The following GPM6B variants were observed in gnomAD, a reference collection of about 807,000 sequenced individuals.
GPM6B encodes glycoprotein M6B.
GPM6B carries 4 observed loss-of-function variants against 27.2 expected under a neutral mutation model. The ratio of observed to expected loss-of-function variants is 0.15; its 90% CI spans 0.07 to 0.34. The LOEUF (loss-of-function observed/expected upper bound fraction) is 0.34. Among genes scored for constraint, GPM6B ranks in the 10% least tolerant of loss-of-function variants. GPM6B has a pLI of 1.00. For synonymous variants in GPM6B, 124 were observed against 103.1 expected (o/e 1.20, Z -1.23); for missense variants, 183 against 261.9 (o/e 0.70, Z 2.08).
rs869123073 is a variant in GPM6B at position 13,787,041 on chromosome X, C to CAAAAAAAAAAAA, written c.182-1245_182-1234dup. Among the ~76,000 whole-genome samples the CAAAAAAAAAAAA allele has an allele frequency of 3.6e-3, 87 of 24,495 alleles. 10 individuals are homozygous for CAAAAAAAAAAAA. Among genetic ancestry groups the CAAAAAAAAAAAA allele is most frequent in the African/African-American group, 0.012 (57 of 4,877 alleles). The allele number at this position is 24,495 out of a possible 115,157, so 21.3% of individuals were successfully genotyped here. ...CTTTAGGGCAAGCACATTAAGCCAG[C>CAAAAAAAAAAAA]AAAAAAAAAAAAAAAAAAAAAAAAA... On this transcript the variant is annotated intron_variant, in intron 2 of 7. Transcript: ENST00000316715.
At chrX:13,911,372 T>C (rs2050377391) in intron 1 of GPM6B, among the ~76,000 whole-genome samples, 1 of 111,985 alleles carries the variant, frequency 8.9e-6, no homozygotes, top group Non-Finnish European at 1.9e-5. Flanking sequence ...CATAATTCTT[T>C]CTTAGGTGGC....
chrX:13,853,208 T>G (rs182647748), intron 1 of GPM6B, among the ~76,000 whole-genome samples: 1 of 111,355 alleles, frequency 9.0e-6, no homozygotes, highest in Admixed American at 9.6e-5. Flanking sequence ...GACCACCCCA[T>G]GTTCTGAGAT....
intron 1 of GPM6B, among the ~76,000 whole-genome samples, chrX:13,812,123 C>T (rs912049313): frequency 2.0e-5 from 2 of 99,628 alleles, no homozygotes; most frequent in East Asian, 6.5e-4. Flanking sequence ...TATCTCGGCT[C>T]ACTGCAACCT....
intron 1 of GPM6B, among the ~76,000 whole-genome samples, chrX:13,872,694 C>A (rs775967183): frequency 1.0e-4 from 11 of 108,807 alleles, no homozygotes; most frequent in African/African-American, 3.7e-4. Context: ...ATTTAGAGGG[C>A]GAACAGAGCA....
chrX:13,822,370 T>C (rs2049318466), intron 1 of GPM6B, among the ~76,000 whole-genome samples: 1 of 110,871 alleles, frequency 9.0e-6, no homozygotes. Context: ...CCTATTTTTT[T>C]TTTTTCTTTT....
intron 3 of GPM6B, 171 bp from the exon 4 acceptor site, chrX:13,783,692 T>G (rs2048559613): frequency 6.4e-6 from 3 of 468,408 alleles, no homozygotes; most frequent in Non-Finnish European, 1.1e-5. Context: ...CCTGCCCATG[T>G]CCCAGCAACC....
At chrX:13,828,898 C>A (rs2049407035) in intron 1 of GPM6B, among the ~76,000 whole-genome samples, 1 of 111,977 alleles carries the variant, frequency 8.9e-6, no homozygotes, top group African/African-American at 3.2e-5. Context: ...GGGAGCTGTA[C>A]ACGGACTTGG....
intron 1 of GPM6B, among the ~76,000 whole-genome samples, chrX:13,894,956 A>G (rs1248995434): frequency 8.9e-6 from 1 of 112,102 alleles, no homozygotes; most frequent in African/African-American, 3.2e-5. Flanking sequence ...AATGACAATA[A>G]TAAGTAAGTC....
intron 1 of GPM6B, among the ~76,000 whole-genome samples, chrX:13,808,345 A>G (rs1280548329): frequency 9.0e-6 from 1 of 111,636 alleles, no homozygotes; most frequent in Non-Finnish European, 1.9e-5. Flanking sequence ...TCCTGTTCCA[A>G]TTTTCTCCCA....
chrX:13,861,693 C>A (rs2049855005), intron 1 of GPM6B, among the ~76,000 whole-genome samples: 1 of 111,932 alleles, frequency 8.9e-6, no homozygotes, highest in African/African-American at 3.3e-5. Context: ...CTCTTTTAGG[C>A]TCTTAGTCTT....
chrX:13,829,859 ATTTTT>A (rs34742721), intron 1 of GPM6B, among the ~76,000 whole-genome samples: 15 of 88,448 alleles, frequency 1.7e-4, no homozygotes, highest in East Asian at 1.0e-3. Context: ...TCTGTCCTGA[ATTTTT>A]TTTTTTTTTT....
chrX:13,792,473 A>G (rs1374268349), intron 2 of GPM6B, among the ~76,000 whole-genome samples: 1 of 111,403 alleles, frequency 9.0e-6, no homozygotes, highest in Non-Finnish European at 1.9e-5. Flanking sequence ...GTTACAACTG[A>G]GGGTGGGGGA....
Position 13,779,875 on chromosome X carries a change from G to A in GPM6B, c.640C>T (p.Pro214Ser). The change falls in exon 5 of 8, where the codon CCG becomes TCG. Residue 214 changes from proline (P) to serine (S), a missense_variant. Coordinates refer to ENST00000316715, the MANE Select transcript of GPM6B (RefSeq NM_001001995.3). Reference sequence around the variant, plus strand: ...ACACCCGTGGTCCCGTTGGTCTGCGGTGACTTGATGACTTCACAAGTTGAC... The same window carrying A: ...ACACCCGTGGTCCCGTTGGTCTGCGATGACTTGATGACTTCACAAGTTGAC... ...IWSTCEVIKS[P>S]QTNGTTGVEQ... 2.5e-6 allele frequency: 3 copies of A among 1,200,119 alleles called. No homozygotes were observed. The highest frequency in any genetic ancestry group is 3.4e-6 in the Non-Finnish European group (3 of 886,803).
chrX:13,932,854 A>G (rs1478218593), intron 1 of GPM6B, among the ~76,000 whole-genome samples: 1 of 111,718 alleles, frequency 9.0e-6, no homozygotes, highest in Admixed American at 9.5e-5. Flanking sequence ...ATTTTATAGC[A>G]GCAGAAGAAA....
chrX:13,903,972 T>A (rs1167464431), intron 1 of GPM6B, among the ~76,000 whole-genome samples: 1 of 109,666 alleles, frequency 9.1e-6, no homozygotes, highest in African/African-American at 3.3e-5. Flanking sequence ...GAAGGGGAGG[T>A]TCTCCCCATT....
chrX:13,785,931 A>G (rs2048604861), intron 2 of GPM6B, 123 bp from the exon 3 acceptor site: 1 of 528,735 alleles, frequency 1.9e-6, no homozygotes, highest in Non-Finnish European at 3.0e-6. Flanking sequence ...TCTATGGTTA[A>G]TATTAATACT....
At chrX:13,780,100 G>A in intron 4 of GPM6B, 111 bp from the exon 5 acceptor site, 1 of 604,139 alleles carries the variant, frequency 1.7e-6, no homozygotes, top group Non-Finnish European at 2.4e-6. Context: ...GGAACACATT[G>A]TGGGGACCCT....
At chrX:13,783,243 T>C in intron 4 of GPM6B, 122 bp downstream of exon 4, 1 of 534,629 alleles carries the variant, frequency 1.9e-6, no homozygotes. Context: ...AAAGCCAATA[T>C]TTGTGTCATG....
intron 1 of GPM6B, among the ~76,000 whole-genome samples, chrX:13,899,095 A>G (rs2050257944): frequency 9.0e-6 from 1 of 111,163 alleles, no homozygotes; most frequent in African/African-American, 3.3e-5. Context: ...ATAGACAGAT[A>G]TGCAGTGTAT....
Sources: gnomAD v4.1 joint callset for allele counts (sites outside exome capture counted in the v4.1 genomes callset) on GRCh38, gnomAD v4.1.1 for gene constraint, MANE v1.5 for transcripts, NCBI Gene and HGNC (gene_info 2026-07-23, HGNC 2026-07-21) for gene names.